PNPLA5: variants seen among roughly 807,000 people sequenced by gnomAD.
PNPLA5 encodes patatin-like phospholipase domain-containing protein 5.
PNPLA5 carries 44 observed loss-of-function variants against 49.1 expected under a neutral mutation model. The ratio of observed to expected loss-of-function variants is 0.90; its 90% CI spans 0.70 to 1.15. The LOEUF (loss-of-function observed/expected upper bound fraction) is 1.15. Among genes scored for constraint, PNPLA5 ranks in the 50% most tolerant of loss-of-function variants. The pLI, the probability that PNPLA5 is intolerant of heterozygous loss-of-function variation, is 0.00. For missense variants in PNPLA5, 603 were observed against 564.0 expected, an observed-to-expected ratio of 1.07 and a Z score of -0.70; for synonymous variants, 243 against 244.4, an observed-to-expected ratio of 0.99 and a Z score of 0.06.
intron 7 of PNPLA5, among the ~76,000 whole-genome samples, chr22:43,883,905 CCTG>C (rs1377868056): frequency 6.6e-6 from 1 of 152,160 alleles, no homozygotes; most frequent in African/African-American, 2.4e-5. Flanking sequence ...ACACAGCCAA[CCTG>C]AGATTCTGAT....
rs191810922 is a variant in PNPLA5, at chr22:43,891,193, G to A, written c.295C>T (p.Gln99Ter). The A allele has an allele frequency of 2.2e-4, 351 of 1,588,262 alleles. 1 individual carries two copies. Among genetic ancestry groups the A allele is most frequent in the Non-Finnish European group, 2.9e-4 (334 of 1,163,908 alleles). Residue 99 changes from glutamine (Q) to a stop codon, truncating the protein, a stop_gained, in exon 2 of 9, where the codon CAG becomes TAG. Coordinates refer to ENST00000216177, the MANE Select transcript of PNPLA5 (RefSeq NM_138814.4). LOFTEE classifies it high-confidence loss of function. ...TCGGGGGGCAGAGCATCCTGCAGCT[G>A]CTGCTTGACGTGCTCGATGGGCGCG... ...AYAPIEHVKQQLQDALPPDAH... is the reference protein window; with the variant it reads ...AYAPIEHVKQ
At chr22:43,889,947 A>G (rs1162992690) in intron 2 of PNPLA5, 83 bp from the exon 3 acceptor site, 7 of 1,549,550 alleles carry the variant, frequency 4.5e-6, no homozygotes, top group Admixed American at 2.0e-5. Flanking sequence ...TCTAATCCCA[A>G]CAGCCTGCAA....
At chr22:43,881,426 G>A in intron 8 of PNPLA5, 132 bp downstream of exon 8, 1 of 920,636 alleles carries the variant, frequency 1.1e-6, no homozygotes. Flanking sequence ...GCATGAGTAG[G>A]CCAGAGGGAC....
Position 43,889,434 on chromosome 22 carries a change from G to A in PNPLA5, c.597C>T (p.Ser199=). ...FHGTVDICPQ[S]TSPNLHELNV... is the part of the protein sequence containing the mutation. ...TCAGCTCATGCAGGTTGGGGGAGGT[G>A]CTCTGGGGGCAGATGTCCACTGTCC... The change falls in exon 4 of 9, where the codon AGC becomes AGT. Residue 199 remains serine, a synonymous_variant. Coordinates refer to ENST00000216177, the MANE Select transcript of PNPLA5 (RefSeq NM_138814.4). The A allele has an allele frequency of 6.2e-7, 1 of 1,614,122 alleles. No homozygotes were observed.
Position 43,889,421 on chromosome 22 carries a change from G to C in PNPLA5, c.610C>G (p.Leu204Val), listed in dbSNP as rs748505616. The change falls in exon 4 of 9, where the codon CTG becomes GTG. Residue 204 changes from leucine (L) to valine (V), a missense_variant. Leu to Val is a conservative substitution (Grantham distance 32, BLOSUM62 1). Coordinates refer to ENST00000216177, the MANE Select transcript of PNPLA5 (RefSeq NM_138814.4). ...DICPQSTSPN[L>V]HELNVFNFSF... ...AAGTTGAAGACGTTCAGCTCATGCAGGTTGGGGGAGGTGCTCTGGGGGCAG... is the reference window on the plus strand; with the variant it reads ...AAGTTGAAGACGTTCAGCTCATGCACGTTGGGGGAGGTGCTCTGGGGGCAG... 2.5e-6 allele frequency: 4 copies of C among 1,614,070 alleles called. No individual in the cohort carries two copies. The highest frequency in any genetic ancestry group is 1.7e-5 in the Admixed American group (1 of 60,012).
At chr22:43,885,661 C>T (rs943754696) in intron 6 of PNPLA5, among the ~76,000 whole-genome samples, 7 of 152,274 alleles carry the variant, frequency 4.6e-5, no homozygotes, top group African/African-American at 1.2e-4. Flanking sequence ...CCCCCACCAT[C>T]GTTACATGTG....
chr22:43,888,437 T>A (rs2049689665), intron 4 of PNPLA5, among the ~76,000 whole-genome samples: 1 of 38,390 alleles, frequency 2.6e-5, no homozygotes, highest in Non-Finnish European at 6.0e-5. Context: ...TTTTTTTTTT[T>A]TTTTTTTTTT....
At chr22:43,891,667 C>A in intron 1 of PNPLA5, 21 bp downstream of exon 1, 1 of 1,526,786 alleles carries the variant, frequency 6.5e-7, no homozygotes, top group Non-Finnish European at 8.8e-7. Context: ...CCCCTTTTCG[C>A]CCCCGCGGTC....
intron 7 of PNPLA5, among the ~76,000 whole-genome samples, chr22:43,882,194 C>T (rs972755143): frequency 2.0e-5 from 3 of 152,320 alleles, no homozygotes; most frequent in South Asian, 2.1e-4. Flanking sequence ...GCTGGCCCTC[C>T]GAAAACAGCT....
At chr22:43,881,714 G>A (rs1182158237) in intron 7 of PNPLA5, 40 bp from the exon 8 acceptor site, 1 of 1,601,882 alleles carries the variant, frequency 6.2e-7, no homozygotes, top group African/African-American at 1.3e-5. Flanking sequence ...AGGTGAGCCT[G>A]GGGTGTGGCC....
intron 3 of PNPLA5, 60 bp downstream of exon 3, chr22:43,889,739 C>T: frequency 6.3e-7 from 1 of 1,577,386 alleles, no homozygotes; most frequent in Non-Finnish European, 8.6e-7. Flanking sequence ...CCAAGCACCT[C>T]TCCACGGTGT....
intron 2 of PNPLA5, 48 bp from the exon 3 acceptor site, chr22:43,889,912 A>G (rs777298546): frequency 5.0e-6 from 8 of 1,602,996 alleles, no homozygotes; most frequent in Non-Finnish European, 6.8e-6. Flanking sequence ...TGCTTCTTGC[A>G]TTCAGAACCT....
At chr22:43,884,458 A>G in intron 6 of PNPLA5, 113 bp from the exon 7 acceptor site, 1 of 1,362,686 alleles carries the variant, frequency 7.3e-7, no homozygotes, top group Non-Finnish European at 9.5e-7. Context: ...TCTGCAGATG[A>G]AGAAGCAACA....
In PNPLA5 at chr22:43,881,599, C is replaced by A. The variant is rs1422375762; in HGVS notation, c.1158G>T (p.Glu386Asp). ...MQGLLRNMALEVFSRTKAQLL... is the reference protein window; with the variant it reads ...MQGLLRNMALDVFSRTKAQLL... ...GCTGGGCCTTGGTCCTGGAGAAAAC[C>A]TCGAGGGCCATGTTCCTCAGCAGGC... The change falls in exon 8 of 9, where the codon GAG becomes GAT. Residue 386 changes from glutamate (E) to aspartate (D), a missense_variant. Coordinates refer to ENST00000216177, the MANE Select transcript of PNPLA5 (RefSeq NM_138814.4). 1.2e-6 allele frequency: 2 copies of A among 1,611,448 alleles called. No individual in the cohort carries two copies. The highest frequency in any genetic ancestry group is 3.3e-5 in the Admixed American group (2 of 59,826).
Position 43,880,604 on chromosome 22 carries a change from C to A in PNPLA5, c.*191G>T. On this transcript the variant is annotated 3_prime_UTR_variant, in exon 9 of 9. Coordinates refer to ENST00000216177, the MANE Select transcript of PNPLA5 (RefSeq NM_138814.4). The stretch of plus-strand genomic sequence containing the variant: ...TGATGAGACGGGGCAAGAGGGAGGG[C>A]AGGTGACCTGGGTACACAGTGACCG... 1 of 445,916 alleles carries A rather than the reference C, an allele frequency of 2.2e-6. No individual in the cohort carries two copies. Among genetic ancestry groups the A allele is most frequent in the African/African-American group, 2.0e-5 (1 of 49,536 alleles). The allele number at this position is 445,916 out of a possible 1,614,324, so 27.6% of individuals were successfully genotyped here.
Position 43,882,420 on chromosome 22 carries a change from C to T in PNPLA5, c.1083-746G>A, listed in dbSNP as rs142283587. 1.8e-3 allele frequency among the ~76,000 whole-genome samples: 273 copies of T among 152,356 alleles called. No individual in the cohort carries two copies. In the Middle Eastern group the frequency reaches 0.034, roughly 19 times the overall value. On this transcript the variant is annotated intron_variant, in intron 7 of 8. Coordinates refer to ENST00000216177, the MANE Select transcript of PNPLA5 (RefSeq NM_138814.4). ...CTGGCCACTGCAGGGCCTCAACCTG[C>T]ACCACAGCACCCTTGGAGGGGCCCC... is the stretch of plus-strand genomic sequence containing the variant.
At position 43,891,208 on chromosome 22, in the gene PNPLA5, C is replaced by A. The variant is rs746234508; in HGVS notation, c.280G>T (p.Glu94Ter). ...SILHPAYAPI[E>*]HVKQQLQDAL... ...TCCTGCAGCTGCTGCTTGACGTGCT[C>A]GATGGGCGCGTAGGCCGGGTGCAGG... Residue 94 changes from glutamate to a stop codon, truncating the protein, a stop_gained, in exon 2 of 9, where the codon GAG becomes TAG. Coordinates refer to ENST00000216177, the MANE Select transcript of PNPLA5 (RefSeq NM_138814.4). LOFTEE classifies it high-confidence loss of function. The A allele has an allele frequency of 5.7e-6, 9 of 1,581,406 alleles. No individual in the cohort carries two copies. The highest frequency in any genetic ancestry group is 7.8e-6 in the Non-Finnish European group (9 of 1,160,146).
Position 43,891,599 on chromosome 22 carries a change from G to C in PNPLA5, c.193+89C>G, listed in dbSNP as rs2401205. 8,753 of 1,431,514 alleles carry C rather than the reference G, an allele frequency of 6.1e-3. 447 individuals carry two copies. In the African/African-American group the frequency reaches 0.11, roughly 17 times the overall value. The allele number at this position is 1,431,514 out of a possible 1,614,324, so 88.7% of individuals were successfully genotyped here. ...CTGTGCCGGGGGTAGAGGGCGCAGA[G>C]CACAGCGCCAGGCACCAGCGTCTCT... On this transcript the variant is annotated intron_variant, in intron 1 of 8. Coordinates refer to ENST00000216177, the MANE Select transcript of PNPLA5 (RefSeq NM_138814.4).
At chr22:43,884,851 A>C (rs969808894) in intron 6 of PNPLA5, among the ~76,000 whole-genome samples, 2 of 152,318 alleles carry the variant, frequency 1.3e-5, no homozygotes. Context: ...CTGGGCTGGG[A>C]CAGAGCCGGA....
Sources: allele counts gnomAD v4.1 joint callset (sites outside exome capture counted in the v4.1 genomes callset), GRCh38; gene constraint gnomAD v4.1.1; transcripts MANE v1.5; gene names NCBI Gene and HGNC (gene_info 2026-07-23, HGNC 2026-07-21).